Variants in KANSL1 observed in about 807,000 individuals in gnomAD.
KANSL1 encodes the protein KAT8 regulatory NSL complex subunit 1.
Under a neutral mutation model 103.6 loss-of-function variants are expected in KANSL1, and 22 were observed. That is an observed-to-expected ratio of 0.21 (90% confidence interval 0.15 to 0.30). The LOEUF is 0.30. Among genes scored for constraint, KANSL1 ranks in the 10% least tolerant of loss-of-function variants. The probability of loss-of-function intolerance (pLI) is 1.00; values close to 1 mark genes in which losing one functional copy is unlikely to be tolerated. For synonymous variants in KANSL1, 600 were observed against 527.6 expected, an observed-to-expected ratio of 1.14 and a Z score of -1.88; for missense variants, 1,337 against 1,399.8, an observed-to-expected ratio of 0.96 and a Z score of 0.72.
chr17:46,032,762 G>A (rs1041828329), intron 13 of KANSL1, among the ~76,000 whole-genome samples: 24 of 152,126 alleles, frequency 1.6e-4, no homozygotes, highest in African/African-American at 4.8e-4. Flanking sequence ...AACTTGTAGC[G>A]AGGCCTTCCA....
At chr17:46,180,314 G>A (rs988577729) in intron 1 of KANSL1, among the ~76,000 whole-genome samples, 4 of 151,632 alleles carry the variant, frequency 2.6e-5, no homozygotes, top group African/African-American at 9.7e-5. Flanking sequence ...TGGCCAACGT[G>A]GTGAAAACCC....
chr17:46,127,610 TA>T (rs138876826), intron 2 of KANSL1, among the ~76,000 whole-genome samples: 1 of 151,828 alleles, frequency 6.6e-6, no homozygotes, highest in South Asian at 2.1e-4. Flanking sequence ...TTTGCCTCTA[TA>T]AAAAAATACC....
At chr17:46,036,943 C>T (rs1347209538) in intron 10 of KANSL1, among the ~76,000 whole-genome samples, 1 of 152,064 alleles carries the variant, frequency 6.6e-6, no homozygotes, top group African/African-American at 2.4e-5. Flanking sequence ...AACTCCTGAC[C>T]TCAAGTGATC....
At position 46,052,964 on chromosome 17, in the gene KANSL1, C is replaced by CAAAAAA. The variant is rs34473927; in HGVS notation, c.1849-2266_1849-2261dup. Reference sequence around the variant, plus strand: ...GGGAAAAAGAGTAAGATCCTGTCTCCAAAAAAAAAAAAAAAAAAAAAAAAA... The same window carrying CAAAAAA: ...GGGAAAAAGAGTAAGATCCTGTCTCCAAAAAAAAAAAAAAAAAAAAAAAAAAAAAAA... On this transcript the variant is annotated intron_variant, in intron 6 of 14. Transcript: ENST00000432791. Among the ~76,000 whole-genome samples the CAAAAAA allele has an allele frequency of 7.3e-4, 24 of 32,994 alleles. 2 individuals carry two copies. Among genetic ancestry groups the CAAAAAA allele is most frequent in the Non-Finnish European group, 1.1e-3 (19 of 17,126 alleles). The allele number at this position is 32,994 out of a possible 152,430, so 21.6% of individuals were successfully genotyped here.
intron 2 of KANSL1, among the ~76,000 whole-genome samples, chr17:46,117,194 T>C (rs1326701324): frequency 1.3e-5 from 2 of 152,188 alleles, no homozygotes; most frequent in Non-Finnish European, 2.9e-5. Context: ...GTATGCAGCT[T>C]CAACTGAGCA....
intron 1 of KANSL1, among the ~76,000 whole-genome samples, chr17:46,188,302 A>C (rs1456774529): frequency 4.6e-5 from 7 of 152,222 alleles, no homozygotes; most frequent in Non-Finnish European, 7.3e-5. Context: ...TTTTGATCTC[A>C]CATTTCAGGG....
intron 10 of KANSL1, chr17:46,035,908 A>G (rs1019390573): frequency 1.3e-5 from 2 of 151,992 alleles, no homozygotes; most frequent in African/African-American, 4.8e-5. Context: ...TTAGCTACTC[A>G]TTAGGTCTAA....
At chr17:46,084,397 C>T (rs72836329) in intron 3 of KANSL1, among the ~76,000 whole-genome samples, 52,379 of 151,504 alleles carry the variant, frequency 0.35, 9,579 homozygotes, top group South Asian at 0.58. Flanking sequence ...ACAACAACAA[C>T]AACAACAAAA....
intron 6 of KANSL1, among the ~76,000 whole-genome samples, chr17:46,058,708 A>G (rs1486721588): frequency 1.1e-5 from 1 of 90,754 alleles, no homozygotes; most frequent in Non-Finnish European, 2.3e-5. Context: ...AGCCAGATTT[A>G]AAACACACAC....
At chr17:46,218,928 G>A (rs2048426028) in intron 1 of KANSL1, among the ~76,000 whole-genome samples, 1 of 152,174 alleles carries the variant, frequency 6.6e-6, no homozygotes, top group Non-Finnish European at 1.5e-5. Context: ...CTGAATCTCA[G>A]AGAGATTAAG....
chr17:46,190,380 A>G (rs1314432813), intron 1 of KANSL1, among the ~76,000 whole-genome samples: 1 of 152,276 alleles, frequency 6.6e-6, no homozygotes, highest in Non-Finnish European at 1.5e-5. Flanking sequence ...AGGAAGAAAG[A>G]AAATCAGACA....
intron 2 of KANSL1, among the ~76,000 whole-genome samples, chr17:46,160,516 A>G (rs2045676710): frequency 6.6e-6 from 1 of 151,714 alleles, no homozygotes; most frequent in Non-Finnish European, 1.5e-5. Context: ...CTGCTCTAGA[A>G]CTCCTGGGCT....
chr17:46,114,337 C>A (rs1018188354), intron 2 of KANSL1, among the ~76,000 whole-genome samples: 1 of 151,714 alleles, frequency 6.6e-6, no homozygotes, highest in African/African-American at 2.4e-5. Context: ...CCAGCCTGGG[C>A]AACAGCGAGA....
chr17:46,175,793 T>C (rs2046491898), intron 1 of KANSL1, among the ~76,000 whole-genome samples: 1 of 152,250 alleles, frequency 6.6e-6, no homozygotes, highest in Non-Finnish European at 1.5e-5. Context: ...CAAATTATTC[T>C]ATGTTGTCTT....
intron 3 of KANSL1, among the ~76,000 whole-genome samples, chr17:46,083,779 T>C (rs1237825837): frequency 1.3e-5 from 2 of 152,140 alleles, no homozygotes; most frequent in Non-Finnish European, 2.9e-5. Flanking sequence ...ACTTGATTAG[T>C]TTGGGCTCAA....
At chr17:46,121,470 T>C (rs966302024) in intron 2 of KANSL1, 2 of 152,340 alleles carry the variant, frequency 1.3e-5, no homozygotes, top group Non-Finnish European at 2.9e-5. Context: ...GTCCAAAATA[T>C]CTTCCACAAA....
Position 46,171,265 on chromosome 17 carries a change from G to T in KANSL1, c.879C>A (p.Asp293Glu), listed in dbSNP as rs776618863. 6.2e-7 allele frequency: 1 copy of T among 1,614,024 alleles called. No homozygotes were observed. The highest frequency in any genetic ancestry group is 1.3e-5 in the African/African-American group (1 of 74,904). ...RITALLRRQA[D>E]IESRARRLQK... ...GTAATCTGCGGGCACGGCTCTCAAT[G>T]TCAGCCTGTCGCCGCAGTAAAGCTG... Residue 293 changes from aspartate to glutamate, a missense_variant, in exon 2 of 15, where the codon GAC (aspartate) becomes GAA (glutamate). By Grantham distance (45) the Asp-to-Glu change is conservative (BLOSUM62 2). This residue lies in a region of KANSL1 where 557 missense variants were observed against 476.4 expected (regional missense o/e 1.17). Coordinates refer to ENST00000432791, the MANE Select transcript of KANSL1 (RefSeq NM_015443.4).
chr17:46,123,354 G>A (rs993653430), intron 2 of KANSL1, among the ~76,000 whole-genome samples: 3 of 152,206 alleles, frequency 2.0e-5, no homozygotes, highest in Non-Finnish European at 2.9e-5. Flanking sequence ...TCCAGCCTGG[G>A]CGGCAGAGCG....
intron 1 of KANSL1, among the ~76,000 whole-genome samples, chr17:46,213,805 A>T (rs1167478098): frequency 1.3e-5 from 2 of 151,906 alleles, no homozygotes; most frequent in Non-Finnish European, 2.9e-5. Context: ...GTAGTCCGAG[A>T]TACTCAGGAG....
Sources: gnomAD v4.1 joint callset for allele counts (sites outside exome capture counted in the v4.1 genomes callset) on GRCh38, gnomAD v4.1.1 for gene constraint, gnomAD v4.1.1 regional missense constraint, MANE v1.5 for transcripts, NCBI Gene and HGNC (gene_info 2026-07-23, HGNC 2026-07-21) for gene names.